The following OSBPL6 variants were observed in gnomAD, a reference collection of about 807,000 sequenced individuals.
The protein encoded by OSBPL6 is oxysterol-binding protein-related protein 6.
Under a neutral mutation model 125.8 loss-of-function variants are expected in OSBPL6, and 49 were observed. The ratio of observed to expected loss-of-function variants is 0.39; its 90% CI spans 0.31 to 0.49. The LOEUF is 0.49. Among genes scored for constraint, OSBPL6 ranks in the 20% least tolerant of loss-of-function variants. The pLI is 0.88. For missense variants in OSBPL6, 986 were observed against 1,135.4 expected, an observed-to-expected ratio of 0.87 and a Z score of 1.89; for synonymous variants, 394 against 391.8, an observed-to-expected ratio of 1.01 and a Z score of -0.07.
intron 3 of OSBPL6, among the ~76,000 whole-genome samples, chr2:178,321,079 A>G (rs1360208527): frequency 2.6e-5 from 4 of 152,178 alleles, no homozygotes; most frequent in Non-Finnish European, 5.9e-5. Flanking sequence ...TGAACCCGGG[A>G]GGCGGAGGTT....
intron 15 of OSBPL6, among the ~76,000 whole-genome samples, 174 bp from the exon 16 acceptor site, chr2:178,382,246 A>ATATGC (rs564325802): frequency 6.6e-6 from 1 of 152,178 alleles, no homozygotes; most frequent in Non-Finnish European, 1.5e-5. Flanking sequence ...TAGTGATCCT[A>ATATGC]TATGCTAGTT....
intron 8 of OSBPL6, 49 bp downstream of exon 8, chr2:178,333,090 A>G (rs1421242517): frequency 2.5e-6 from 4 of 1,603,888 alleles, no homozygotes; most frequent in Non-Finnish European, 3.4e-6. Context: ...TTAGAAAATT[A>G]TGCAAATTTT....
At position 178,387,046 on chromosome 2, in the gene OSBPL6, C is replaced by T. The variant is rs771144279; in HGVS notation, c.2078-15C>T. On this transcript the variant is annotated splice_polypyrimidine_tract_variant and intron_variant, in intron 19 of 24. Transcript: ENST00000190611. ...ATGGGGTATGTATTTCTTGTCCTCT[C>T]CCTATGTCATTTAGATATCAGATGG... 4 of 1,563,302 alleles carry T rather than the reference C, an allele frequency of 2.6e-6. No individual in the cohort carries two copies. Among genetic ancestry groups the T allele is most frequent in the Non-Finnish European group, 3.5e-6 (4 of 1,134,780 alleles).
chr2:178,239,231 G>A (rs916855572), intron 1 of OSBPL6, among the ~76,000 whole-genome samples: 1 of 152,132 alleles, frequency 6.6e-6, no homozygotes, highest in Non-Finnish European at 1.5e-5. Context: ...ATAGAATTAT[G>A]TTATATGAAA....
At chr2:178,287,583 G>A (rs949343851) in intron 2 of OSBPL6, among the ~76,000 whole-genome samples, 1 of 152,134 alleles carries the variant, frequency 6.6e-6, no homozygotes, top group African/African-American at 2.4e-5. Context: ...TTGCTGAGTT[G>A]TGACTTGACT....
rs75817719 is a variant in OSBPL6 at position 178,331,602 on chromosome 2, C to T, written c.369C>T (p.Leu123=). ...NGMLKYSKAP[L]DIQKGKVHGS... ...TGTTAAAGTATTCAAAGGCACCACT[C>T]GATGTAAGTAGCACACAGGACATGT... Residue 123 remains leucine (L), a synonymous_variant, in exon 6 of 25, where the codon CTC becomes CTT. Coordinates refer to ENST00000190611, the MANE Select transcript of OSBPL6 (RefSeq NM_032523.4). 1.9e-4 allele frequency: 310 copies of T among 1,613,906 alleles called. No homozygotes were observed. The African/African-American group carries it at 3.3e-3, about 17-fold the overall frequency.
At chr2:178,331,692 C>A in intron 6 of OSBPL6, 87 bp downstream of exon 6, 1 of 1,381,294 alleles carries the variant, frequency 7.2e-7, no homozygotes, top group South Asian at 1.2e-5. Context: ...AGCCTTGTGC[C>A]ATAGTTACCA....
intron 12 of OSBPL6, among the ~76,000 whole-genome samples, chr2:178,349,692 C>T (rs750855195): frequency 6.6e-6 from 1 of 152,170 alleles, no homozygotes; most frequent in Non-Finnish European, 1.5e-5. Flanking sequence ...TCTCGGTTAT[C>T]ATTTAATACG....
chr2:178,393,484 T>C (rs1695589366), intron 23 of OSBPL6, among the ~76,000 whole-genome samples: 1 of 152,252 alleles, frequency 6.6e-6, no homozygotes, highest in South Asian at 2.1e-4. Flanking sequence ...CTGTTTCCCA[T>C]GTATTTGTGG....
At chr2:178,273,899 G>T (rs971149290) in intron 1 of OSBPL6, among the ~76,000 whole-genome samples, 2 of 152,104 alleles carry the variant, frequency 1.3e-5, no homozygotes, top group African/African-American at 2.4e-5. Context: ...TGGCCAGGTG[G>T]GTGTTGATAA....
At chr2:178,356,790 A>C (rs541756133) in intron 12 of OSBPL6, among the ~76,000 whole-genome samples, 90 of 152,352 alleles carry the variant, frequency 5.9e-4, no homozygotes, top group Admixed American at 1.8e-3. Flanking sequence ...AGACAATCTT[A>C]AGCAAAAAGA....
rs1301356065 is a variant in OSBPL6 at position 178,398,521 on chromosome 2, T to A, written c.*2962T>A. On this transcript the variant is annotated 3_prime_UTR_variant, in exon 25 of 25. Coordinates refer to ENST00000190611, the MANE Select transcript of OSBPL6 (RefSeq NM_032523.4). Reference sequence around the variant, plus strand: ...GCTGTCACCCAGGGTGCAGATTTACTCTCTTTTGCTGTTATTTTATTGTTT... The same window carrying A: ...GCTGTCACCCAGGGTGCAGATTTACACTCTTTTGCTGTTATTTTATTGTTT... 1 of 152,326 alleles carries A rather than the reference T, an allele frequency of 6.6e-6. No individual in the cohort carries two copies. The highest frequency in any genetic ancestry group is 2.4e-5 in the African/African-American group (1 of 41,572). 9.4% of individuals were successfully genotyped at this position (152,326 alleles called of 1,614,324 possible). A position where few individuals can be genotyped will look rare whatever the true frequency, so the allele number is the denominator to read the frequency against.
intron 2 of OSBPL6, among the ~76,000 whole-genome samples, chr2:178,304,121 C>T (rs564237804): frequency 1.6e-4 from 25 of 152,268 alleles, no homozygotes; most frequent in Non-Finnish European, 3.2e-4. Context: ...TGTCTCTCTG[C>T]TCCCAAGAGG....
intron 1 of OSBPL6, among the ~76,000 whole-genome samples, chr2:178,276,217 A>G (rs2092465811): frequency 1.3e-5 from 2 of 152,118 alleles, no homozygotes; most frequent in South Asian, 2.1e-4. Context: ...GTCAAGATTC[A>G]TGCATTTCTT....
At chr2:178,257,433 T>C (rs1039849180) in intron 1 of OSBPL6, among the ~76,000 whole-genome samples, 5 of 152,244 alleles carry the variant, frequency 3.3e-5, no homozygotes, top group African/African-American at 1.2e-4. Flanking sequence ...TTCTGTCATA[T>C]TATTTCTATT....
At chr2:178,295,647 T>C (rs2154050857) in intron 2 of OSBPL6, among the ~76,000 whole-genome samples, 2 of 152,290 alleles carry the variant, frequency 1.3e-5, no homozygotes, top group Middle Eastern at 6.8e-3. Flanking sequence ...ACTTTGCAAT[T>C]GCAAGGATTA....
chr2:178,283,158 C>T (rs190011015), intron 1 of OSBPL6, among the ~76,000 whole-genome samples: 9 of 152,204 alleles, frequency 5.9e-5, no homozygotes, highest in African/African-American at 1.9e-4. Context: ...ACAAGGTACA[C>T]GGAATCGTCT....
chr2:178,395,772 TAAAAAAA>T lies in OSBPL6; in HGVS notation c.*235_*241del, dbSNP rs746653123. 1.3e-3 allele frequency: 325 copies of T among 243,332 alleles called. 1 individual carries two copies. The highest frequency in any genetic ancestry group is 1.4e-3 in the Non-Finnish European group (185 of 130,272). 15.1% of individuals were successfully genotyped at this position (243,332 alleles called of 1,614,324 possible). A position where few individuals can be genotyped will look rare whatever the true frequency, so the allele number is the denominator to read the frequency against. On this transcript the variant is annotated 3_prime_UTR_variant, in exon 25 of 25. Transcript: ENST00000190611. Reference sequence around the variant, plus strand: ...TCTGTTTTGCTGCAACCATATTCCTTAAAAAAAAAAAAAAAAAAAAAAAAAAAATCCA... The same window carrying T: ...TCTGTTTTGCTGCAACCATATTCCTTAAAAAAAAAAAAAAAAAAAAATCCA...
intron 2 of OSBPL6, among the ~76,000 whole-genome samples, chr2:178,288,805 C>T (rs1215102691): frequency 6.6e-6 from 1 of 151,900 alleles, no homozygotes; most frequent in African/African-American, 2.4e-5. Flanking sequence ...CCCGCCACCA[C>T]GCCCAGCTAA....
Sources: gnomAD v4.1 joint callset for allele counts (sites outside exome capture counted in the v4.1 genomes callset) on GRCh38, gnomAD v4.1.1 for gene constraint, MANE v1.5 for transcripts, NCBI Gene and HGNC (gene_info 2026-07-23, HGNC 2026-07-21) for gene names.